Variants in FARS2 observed in about 807,000 individuals in gnomAD.
FARS2 encodes phenylalanyl-tRNA synthetase 2, mitochondrial.
A neutral mutation model predicts 46.4 loss-of-function variants in FARS2; 40 were observed. The observed-to-expected ratio is 0.86, with a 90% CI of 0.67 to 1.12. The LOEUF (loss-of-function observed/expected upper bound fraction) is 1.12, where lower values mean the gene tolerates loss of function less well. Among genes scored for constraint, FARS2 ranks in the 50% most tolerant of loss-of-function variants. The pLI is 0.00. For missense variants in FARS2, 513 were observed against 567.9 expected (o/e 0.90, Z 0.98); for synonymous variants, 234 against 214.9 (o/e 1.09, Z -0.78).
chr6:5,650,095 C>T (rs9504467), intron 6 of FARS2, among the ~76,000 whole-genome samples: 9,994 of 151,904 alleles, frequency 0.066, 895 homozygotes, highest in African/African-American at 0.2. Flanking sequence ...GTCAGAGGAC[C>T]GAGCCTGGGG....
chr6:5,704,791 A>T (rs1758643537), intron 6 of FARS2, among the ~76,000 whole-genome samples: 1 of 152,268 alleles, frequency 6.6e-6, no homozygotes, highest in Non-Finnish European at 1.5e-5. Flanking sequence ...AATAAGGAAC[A>T]TCTGAAGATT....
intron 4 of FARS2, among the ~76,000 whole-genome samples, chr6:5,489,601 A>G (rs1258582933): frequency 1.3e-5 from 2 of 152,174 alleles, no homozygotes; most frequent in African/African-American, 2.4e-5. Flanking sequence ...CAACCCTTGT[A>G]ATATGCTTCC....
intron 6 of FARS2, among the ~76,000 whole-genome samples, chr6:5,713,713 G>A (rs1759320745): frequency 6.6e-6 from 1 of 152,236 alleles, no homozygotes; most frequent in African/African-American, 2.4e-5. Context: ...GCACCGCAGA[G>A]CTTTCAAAGG....
chr6:5,260,928 G>C (rs767265855), upstream of FARS2: 13 of 1,357,200 alleles, frequency 9.6e-6, no homozygotes, highest in Non-Finnish European at 1.2e-5. Flanking sequence ...GCGCCGCTTC[G>C]GGGGCGGGCG....
At chr6:5,588,562 C>T (rs1379646895) in intron 5 of FARS2, among the ~76,000 whole-genome samples, 12 of 152,164 alleles carry the variant, frequency 7.9e-5, no homozygotes, top group Non-Finnish European at 5.9e-5. Flanking sequence ...AGCTTGCTCA[C>T]CTTTTCGCTT....
chr6:5,469,333 C>T (rs1234801985), intron 4 of FARS2, among the ~76,000 whole-genome samples: 2 of 152,246 alleles, frequency 1.3e-5, no homozygotes, highest in Non-Finnish European at 2.9e-5. Flanking sequence ...CAGAACCGGC[C>T]TGTCTCCCAT....
At chr6:5,763,141 G>C (rs1240296461) in intron 6 of FARS2, among the ~76,000 whole-genome samples, 2 of 152,202 alleles carry the variant, frequency 1.3e-5, no homozygotes, top group Non-Finnish European at 2.9e-5. Context: ...TTAGGCCAGC[G>C]TGCTTCCCTC....
intron 4 of FARS2, among the ~76,000 whole-genome samples, chr6:5,449,445 A>G (rs761115022): frequency 1.3e-5 from 2 of 152,016 alleles, no homozygotes; most frequent in African/African-American, 2.4e-5. Flanking sequence ...TAAAGAAAGA[A>G]GAGAAAGGCC....
intron 4 of FARS2, among the ~76,000 whole-genome samples, chr6:5,542,992 T>C (rs987731631): frequency 6.6e-5 from 10 of 152,224 alleles, no homozygotes; most frequent in Admixed American, 1.3e-4. Flanking sequence ...TATTTTGTGT[T>C]CCAGAATATG....
chr6:5,766,688 T>A (rs1762768775), intron 6 of FARS2, among the ~76,000 whole-genome samples: 1 of 152,170 alleles, frequency 6.6e-6, no homozygotes, highest in Admixed American at 6.5e-5. Flanking sequence ...GACATAACAT[T>A]AACCATTTTT....
At position 5,368,692 on chromosome 6, in the gene FARS2, G is replaced by A; in HGVS notation, c.122G>A (p.Cys41Tyr). Reference protein sequence around the residue: ...AWGSRPPAAECATQRAPGSVV... With the variant: ...AWGSRPPAAEYATQRAPGSVV... ...GGATCGAGGCCTCCTGCAGCAGAGTGTGCCACCCAAAGAGCTCCAGGCAGT... is the reference window on the plus strand; with the variant it reads ...GGATCGAGGCCTCCTGCAGCAGAGTATGCCACCCAAAGAGCTCCAGGCAGT... Residue 41 changes from cysteine to tyrosine, a missense_variant, in exon 2 of 7, where the codon TGT becomes TAT. Transcript: ENST00000274680. The A allele has an allele frequency of 6.2e-7, 1 of 1,614,176 alleles. No individual in the cohort carries two copies. Among genetic ancestry groups the A allele is most frequent in the Non-Finnish European group, 8.5e-7 (1 of 1,180,048 alleles).
chr6:5,568,789 G>A (rs897670460), intron 5 of FARS2, among the ~76,000 whole-genome samples: 2 of 152,292 alleles, frequency 1.3e-5, no homozygotes, highest in East Asian at 1.9e-4. Context: ...ATCCCAGTGC[G>A]GATAAGATGA....
intron 4 of FARS2, among the ~76,000 whole-genome samples, chr6:5,478,647 G>A (rs1435856937): frequency 2.6e-5 from 4 of 151,806 alleles, no homozygotes; most frequent in Non-Finnish European, 5.9e-5. Flanking sequence ...CACATCGACT[G>A]AGTGCCCCTG....
intron 4 of FARS2, among the ~76,000 whole-genome samples, chr6:5,518,296 A>C (rs1768932929): frequency 6.6e-6 from 1 of 152,226 alleles, no homozygotes; most frequent in South Asian, 2.1e-4. Flanking sequence ...ACAGGTGGGC[A>C]GTTGTGTCAC....
At chr6:5,285,402 C>T (rs143915139) in intron 1 of FARS2, among the ~76,000 whole-genome samples, 14 of 152,240 alleles carry the variant, frequency 9.2e-5, no homozygotes, top group African/African-American at 3.1e-4. Context: ...GGGTTTGGTT[C>T]TTGAGGAGAA....
intron 4 of FARS2, among the ~76,000 whole-genome samples, chr6:5,538,707 A>G (rs1274181439): frequency 6.6e-6 from 1 of 152,136 alleles, no homozygotes; most frequent in East Asian, 1.9e-4. Context: ...TGTCTTACTG[A>G]TGGAATAGGC....
At chr6:5,254,124 T>G in the FARS2 span, among the ~76,000 whole-genome samples, 1 of 152,232 alleles carries the variant, frequency 6.6e-6, no homozygotes, top group Non-Finnish European at 1.5e-5. Flanking sequence ...TGAGATGCAC[T>G]GAAAACGGCA....
At chr6:5,540,320 G>C (rs1770544196) in intron 4 of FARS2, among the ~76,000 whole-genome samples, 1 of 152,166 alleles carries the variant, frequency 6.6e-6, no homozygotes, top group Non-Finnish European at 1.5e-5. Flanking sequence ...TCCCTTCAAT[G>C]CTGTTACTTC....
intron 4 of FARS2, among the ~76,000 whole-genome samples, chr6:5,504,341 T>G (rs1767979176): frequency 6.6e-6 from 1 of 151,174 alleles, no homozygotes; most frequent in East Asian, 1.9e-4. Flanking sequence ...GAGAGCTTGA[T>G]CTTGCTAAAG....
Sources: gnomAD v4.1 joint callset for allele counts (sites outside exome capture counted in the v4.1 genomes callset) on GRCh38, gnomAD v4.1.1 for gene constraint, MANE v1.5 for transcripts, NCBI Gene and HGNC (gene_info 2026-07-23, HGNC 2026-07-21) for gene names.